The following NDST4 variants were observed in gnomAD, a reference collection of about 807,000 sequenced individuals.
NDST4 encodes the protein N-heparan sulfate sulfotransferase 4.
In NDST4, 63 loss-of-function variants were observed where a neutral mutation model predicts 100.8. The observed-to-expected ratio is 0.62, with a 90% CI of 0.51 to 0.77. NDST4 has a LOEUF of 0.77. NDST4 is among the 30% of genes least tolerant of loss of function. NDST4 has a pLI of 0.00. For missense variants in NDST4, 943 were observed against 1,018.4 expected, an observed-to-expected ratio of 0.93 and a Z score of 1.01; for synonymous variants, 377 against 361.8, an observed-to-expected ratio of 1.04 and a Z score of -0.48.
intron 3 of NDST4, 146 bp downstream of exon 3, chr4:114,977,041 A>C (rs1370384978): frequency 1.6e-6 from 1 of 606,514 alleles, no homozygotes; most frequent in East Asian, 2.7e-5. Flanking sequence ...AAATATGCTC[A>C]TTGATTTTGG....
chr4:114,899,781 G>A (rs978122309), intron 6 of NDST4, among the ~76,000 whole-genome samples: 11 of 151,948 alleles, frequency 7.2e-5, no homozygotes, highest in Non-Finnish European at 1.5e-5. Context: ...AGATATATTG[G>A]TCTGTAGTTT....
chr4:114,866,109 G>A (rs1013015954), intron 7 of NDST4, among the ~76,000 whole-genome samples: 3 of 152,194 alleles, frequency 2.0e-5, no homozygotes, highest in Non-Finnish European at 2.9e-5. Flanking sequence ...AAGAATTAAA[G>A]TGAAAAGTGC....
intron 2 of NDST4, among the ~76,000 whole-genome samples, chr4:115,063,849 T>G (rs1728876009): frequency 6.6e-6 from 1 of 151,944 alleles, no homozygotes; most frequent in Non-Finnish European, 1.5e-5. Flanking sequence ...CTTTTTTTTT[T>G]TACCAAAATA....
At position 115,076,741 on chromosome 4, in the gene NDST4, A is replaced by G. The variant is rs763315429; in HGVS notation, c.296T>C (p.Leu99Ser). Residue 99 changes from leucine to serine, a missense_variant, in exon 2 of 14, where the codon TTG becomes TCG. Transcript: ENST00000264363. The stretch of plus-strand genomic sequence containing the variant: ...GTGGTACTGAAATCGGCTGGACTCC[A>G]AAATAGCTATGATATCTTGACCGAG... ...SQLGQDIIAI[L>S]ESSRFQYHMV... 1 of 1,613,994 alleles carries G rather than the reference A, an allele frequency of 6.2e-7. No individual in the cohort carries two copies.
At chr4:115,055,871 C>A (rs976156617) in intron 2 of NDST4, among the ~76,000 whole-genome samples, 1 of 152,040 alleles carries the variant, frequency 6.6e-6, no homozygotes, top group Non-Finnish European at 1.5e-5. Flanking sequence ...ATCCCATATT[C>A]ATTGTTCATG....
At chr4:114,847,837 T>C (rs1050434118) in intron 9 of NDST4, among the ~76,000 whole-genome samples, 3 of 152,220 alleles carry the variant, frequency 2.0e-5, no homozygotes, top group African/African-American at 7.2e-5. Context: ...AATTATAAAA[T>C]AAACTACTGA....
At position 114,846,000 on chromosome 4, in the gene NDST4, G is replaced by C. The variant is rs781716979; in HGVS notation, c.1941-3C>G. The C allele has an allele frequency of 6.4e-7, 1 of 1,571,268 alleles. No homozygotes were observed. The highest frequency in any genetic ancestry group is 2.3e-5 in the East Asian group (1 of 44,002). The stretch of plus-strand genomic sequence containing the variant: ...GTGTAGGGAAAAAGTCCATATACCT[G>C]AAGGCAGAGAAAGACAATTAATTAA... On this transcript the variant is annotated splice_region_variant and splice_polypyrimidine_tract_variant and intron_variant, in intron 9 of 13. Coordinates refer to ENST00000264363, the MANE Select transcript of NDST4 (RefSeq NM_022569.3).
At chr4:115,087,074 T>A (rs1560595594) in intron 1 of NDST4, among the ~76,000 whole-genome samples, 1 of 152,016 alleles carries the variant, frequency 6.6e-6, no homozygotes, top group African/African-American at 2.4e-5. Flanking sequence ...TGGACCAGAA[T>A]TAAACAGGAT....
intron 1 of NDST4, among the ~76,000 whole-genome samples, chr4:115,091,361 T>C (rs1729515811): frequency 6.6e-6 from 1 of 152,138 alleles, no homozygotes; most frequent in Admixed American, 6.6e-5. Flanking sequence ...TAATCATTTA[T>C]TTTTTAAGAA....
intron 2 of NDST4, among the ~76,000 whole-genome samples, chr4:115,004,894 G>A (rs1727379980): frequency 6.6e-6 from 1 of 152,118 alleles, no homozygotes; most frequent in African/African-American, 2.4e-5. Flanking sequence ...ATTTTCAGGT[G>A]AACACACAGG....
intron 7 of NDST4, among the ~76,000 whole-genome samples, chr4:114,858,977 T>C (rs1723861397): frequency 6.6e-6 from 1 of 152,176 alleles, no homozygotes. Flanking sequence ...ACAGCTACTA[T>C]ATAGTGAGAA....
chr4:115,066,333 C>T lies in NDST4; in HGVS notation c.978+9726G>A, dbSNP rs76732470. On this transcript the variant is annotated intron_variant, in intron 2 of 13. Coordinates refer to ENST00000264363, the MANE Select transcript of NDST4 (RefSeq NM_022569.3). ...ACCCTATTTGCTTCCATAAAGGAATCTCTTTAAAACAGATGACTTTTCCTT... is the reference window on the plus strand; with the variant it reads ...ACCCTATTTGCTTCCATAAAGGAATTTCTTTAAAACAGATGACTTTTCCTT... Among the ~76,000 whole-genome samples, 562 of 152,188 alleles carry T rather than the reference C, an allele frequency of 3.7e-3. 3 individuals are homozygous for T. The highest frequency in any genetic ancestry group is 4.4e-3 in the South Asian group (21 of 4,808).
At chr4:114,889,324 C>G (rs925649373) in intron 6 of NDST4, among the ~76,000 whole-genome samples, 3 of 152,124 alleles carry the variant, frequency 2.0e-5, no homozygotes, top group African/African-American at 7.2e-5. Flanking sequence ...TTACTCTAGA[C>G]AGGTGATGAA....
intron 3 of NDST4, among the ~76,000 whole-genome samples, chr4:114,971,793 C>G (rs1282355232): frequency 6.6e-6 from 1 of 151,984 alleles, no homozygotes; most frequent in Non-Finnish European, 1.5e-5. Context: ...AGAGTAGCTC[C>G]ATGAAAGGAT....
chr4:115,045,390 C>T (rs922021330), intron 2 of NDST4, among the ~76,000 whole-genome samples: 5 of 152,174 alleles, frequency 3.3e-5, no homozygotes, highest in African/African-American at 1.2e-4. Flanking sequence ...TGTTGGTAGT[C>T]CTCCCATCCC....
intron 1 of NDST4, among the ~76,000 whole-genome samples, chr4:115,088,087 C>T (rs966315421): frequency 2.6e-4 from 40 of 151,540 alleles, no homozygotes; most frequent in African/African-American, 9.7e-4. Flanking sequence ...TTCTATTTCC[C>T]CAACTTATAC....
chr4:115,018,361 G>A (rs1560861749), intron 2 of NDST4, among the ~76,000 whole-genome samples: 2 of 151,864 alleles, frequency 1.3e-5, no homozygotes, highest in Admixed American at 1.3e-4. Flanking sequence ...CTTAATTTTA[G>A]TTTTGTTTAC....
intron 6 of NDST4, among the ~76,000 whole-genome samples, chr4:114,932,794 CA>C (rs902438388): frequency 2.0e-5 from 3 of 151,702 alleles, no homozygotes; most frequent in African/African-American, 7.3e-5. Flanking sequence ...ACCTATATAC[CA>C]AAAACTATAA....
chr4:114,937,532 T>G, intron 4 of NDST4, 29 bp from the exon 5 acceptor site: 1 of 1,513,006 alleles, frequency 6.6e-7, no homozygotes, highest in East Asian at 2.3e-5. Flanking sequence ...AACATCATGA[T>G]GGGACAAGGC....
Sources: gnomAD v4.1 joint callset for allele counts (sites outside exome capture counted in the v4.1 genomes callset) on GRCh38, gnomAD v4.1.1 for gene constraint, MANE v1.5 for transcripts, NCBI Gene and HGNC (gene_info 2026-07-23, HGNC 2026-07-21) for gene names.